The following TULP4 variants were observed in gnomAD, a reference collection of about 807,000 sequenced individuals.
TULP4 encodes the protein tubby-related protein 4.
TULP4 carries 16 observed loss-of-function variants against 129.0 expected under a neutral mutation model. That is an observed-to-expected ratio of 0.12 (90% CI 0.08 to 0.19). The LOEUF (loss-of-function observed/expected upper bound fraction) is 0.19. Among genes scored for constraint, TULP4 ranks in the 10% least tolerant of loss-of-function variants. The pLI, the probability that TULP4 is intolerant of heterozygous loss-of-function variation, is 1.00. For missense variants in TULP4, 1,842 were observed against 2,059.1 expected (o/e 0.89, Z 2.04); for synonymous variants, 998 against 854.0 (o/e 1.17, Z -2.94).
intron 1 of TULP4, among the ~76,000 whole-genome samples, chr6:158,339,889 T>A (rs1780140231): frequency 6.6e-6 from 1 of 152,234 alleles, no homozygotes; most frequent in Non-Finnish European, 1.5e-5. Flanking sequence ...ATTAAGAGAT[T>A]AAAGACAGGC....
chr6:158,318,189 G>T (rs1431117826), intron 1 of TULP4, among the ~76,000 whole-genome samples: 1 of 152,076 alleles, frequency 6.6e-6, no homozygotes, highest in Non-Finnish European at 1.5e-5. Context: ...GCTGGGCATG[G>T]TGGCACATGC....
upstream of TULP4, among the ~76,000 whole-genome samples, chr6:158,308,978 G>C (rs1253312747): frequency 6.9e-6 from 1 of 144,770 alleles, no homozygotes; most frequent in African/African-American, 2.6e-5. Flanking sequence ...TGGCCGGGCA[G>C]GGGGCTGACC....
In TULP4 at chr6:158,502,895, C is replaced by T. The variant is rs148004422; in HGVS notation, c.3232C>T (p.Arg1078Cys). 890 of 1,613,990 alleles carry T rather than the reference C, an allele frequency of 5.5e-4. No individual in the cohort carries two copies. The highest frequency in any genetic ancestry group is 6.1e-4 in the Non-Finnish European group (719 of 1,180,028). ...YSLLSPPDSA[R>C]DRTDYVNSAF... ...CCTCCTGAGCCCACCCGACAGCGCC[C>T]GCGACCGCACCGACTACGTCAACTC... Residue 1078 changes from arginine (R) to cysteine (C), a missense_variant, in exon 13 of 14, where the codon CGC (arginine) becomes TGC (cysteine). This residue lies in a region of TULP4 where 1,089 missense variants were observed against 987.1 expected (regional missense o/e 1.10). Coordinates refer to ENST00000367097, the MANE Select transcript of TULP4 (RefSeq NM_020245.5).
chr6:158,234,445 G>T (rs993118798), intron 1 of TULP4, among the ~76,000 whole-genome samples: 5 of 152,226 alleles, frequency 3.3e-5, no homozygotes, highest in African/African-American at 1.2e-4. Flanking sequence ...TTTTGCTATA[G>T]ATTCCAGTAT....
intron 1 of TULP4, among the ~76,000 whole-genome samples, chr6:158,318,510 A>G (rs1375958655): frequency 2.0e-5 from 3 of 152,204 alleles, no homozygotes; most frequent in Non-Finnish European, 2.9e-5. Context: ...TCATGGGAAG[A>G]TATCATTATT....
At chr6:158,246,606 T>G (rs746325516) in intron 1 of TULP4, among the ~76,000 whole-genome samples, 19 of 152,242 alleles carry the variant, frequency 1.2e-4, no homozygotes, top group Non-Finnish European at 2.5e-4. Flanking sequence ...ACCATCTCTT[T>G]ACCATGGTAG....
intron 1 of TULP4, among the ~76,000 whole-genome samples, chr6:158,338,716 T>G (rs1028365852): frequency 6.6e-6 from 1 of 152,190 alleles, no homozygotes; most frequent in African/African-American, 2.4e-5. Flanking sequence ...GGACCTAAAT[T>G]ACTACTTTGG....
upstream of TULP4, among the ~76,000 whole-genome samples, chr6:158,308,487 A>G (rs1235664608): frequency 2.0e-5 from 3 of 151,784 alleles, no homozygotes; most frequent in African/African-American, 4.8e-5. Context: ...CGCCATTGTC[A>G]TCATGGCCCG....
chr6:158,294,525 C>G (rs1007648384), intron 1 of TULP4, among the ~76,000 whole-genome samples: 3 of 152,172 alleles, frequency 2.0e-5, no homozygotes, highest in African/African-American at 7.2e-5. Flanking sequence ...CACAGGATCC[C>G]TGTTCCTAGG....
intron 1 of TULP4, among the ~76,000 whole-genome samples, chr6:158,362,202 ACTATCTTCC>A (rs1315320985): frequency 6.6e-6 from 1 of 152,216 alleles, no homozygotes; most frequent in Non-Finnish European, 1.5e-5. Context: ...CTGACCACAG[ACTATCTTCC>A]AATATATCCT....
At chr6:158,447,340 T>C (rs1779074254) in intron 3 of TULP4, among the ~76,000 whole-genome samples, 1 of 152,186 alleles carries the variant, frequency 6.6e-6, no homozygotes, top group African/African-American at 2.4e-5. Flanking sequence ...TTTCATGGTG[T>C]TCCTAGTAGT....
chr6:158,252,997 C>T (rs774799931), intron 1 of TULP4, among the ~76,000 whole-genome samples: 3 of 152,202 alleles, frequency 2.0e-5, no homozygotes, highest in Non-Finnish European at 4.4e-5. Context: ...CGCATCTGCT[C>T]CATGAAGCTT....
intron 1 of TULP4, among the ~76,000 whole-genome samples, chr6:158,267,499 G>C (rs1562499862): frequency 1.3e-5 from 2 of 152,200 alleles, no homozygotes; most frequent in Non-Finnish European, 2.9e-5. Flanking sequence ...GGTAGGACCT[G>C]GGAGGATTCC....
intron 2 of TULP4, among the ~76,000 whole-genome samples, chr6:158,417,011 TC>T (rs1205658661): frequency 1.3e-5 from 2 of 152,168 alleles, no homozygotes; most frequent in African/African-American, 4.8e-5. Flanking sequence ...GGCTCTACTG[TC>T]CAAGTTTGAG....
At chr6:158,263,456 G>C (rs1778387444) in intron 1 of TULP4, among the ~76,000 whole-genome samples, 1 of 152,206 alleles carries the variant, frequency 6.6e-6, no homozygotes, top group Admixed American at 6.5e-5. Flanking sequence ...ATACTCTAGA[G>C]AAGAAAGGCA....
chr6:158,491,519 G>GAGGAA (rs1780210251), intron 9 of TULP4, among the ~76,000 whole-genome samples: 1 of 2,170 alleles, frequency 4.6e-4, no homozygotes, highest in Admixed American at 7.2e-3. Flanking sequence ...TTTCTTTCTT[G>GAGGAA]TCTCGCTCTG....
rs138970843 is a variant in TULP4 at position 158,395,512 on chromosome 6, C to T, written c.253-17553C>T. 1.1e-3 allele frequency among the ~76,000 whole-genome samples: 171 copies of T among 149,608 alleles called. 4 individuals are homozygous for T. The East Asian group carries it at 0.033, about 29-fold the overall frequency. ...AGGAGAATCGCTTGAACCTGGGAGGCGGAGGTTGTGGTGAGCTGAGAGCGT... is the reference window on the plus strand; with the variant it reads ...AGGAGAATCGCTTGAACCTGGGAGGTGGAGGTTGTGGTGAGCTGAGAGCGT... On this transcript the variant is annotated intron_variant, in intron 1 of 13. Coordinates refer to ENST00000367097, the MANE Select transcript of TULP4 (RefSeq NM_020245.5).
chr6:158,394,454 T>G (rs961249163), intron 1 of TULP4, among the ~76,000 whole-genome samples: 1 of 152,100 alleles, frequency 6.6e-6, no homozygotes, highest in African/African-American at 2.4e-5. Flanking sequence ...TGGTACCGAT[T>G]TTCTGTATTA....
intron 1 of TULP4, among the ~76,000 whole-genome samples, chr6:158,353,401 T>C (rs1780572817): frequency 6.6e-6 from 1 of 152,250 alleles, no homozygotes; most frequent in Admixed American, 6.5e-5. Context: ...ATTGGTGTTT[T>C]GCAAATGTGA....
Sources: gnomAD v4.1 joint callset for allele counts (sites outside exome capture counted in the v4.1 genomes callset) on GRCh38, gnomAD v4.1.1 for gene constraint, gnomAD v4.1.1 regional missense constraint, MANE v1.5 for transcripts, NCBI Gene and HGNC (gene_info 2026-07-23, HGNC 2026-07-21) for gene names.